The following USP9X variants were observed in gnomAD, a reference collection of about 807,000 sequenced individuals.
The protein encoded by USP9X is ubiquitin carboxyl-terminal hydrolase 9X.
USP9X carries 7 observed loss-of-function variants against 190.3 expected under a neutral mutation model. That is an observed-to-expected ratio of 0.04 (90% CI 0.02 to 0.07). The LOEUF (loss-of-function observed/expected upper bound fraction) is 0.07, where lower values mean the gene tolerates loss of function less well. Ranked by LOEUF, USP9X falls within the 10% of genes least tolerant of loss-of-function variation. The pLI is 1.00. For missense variants in USP9X, 1,010 were observed against 1,916.9 expected (o/e 0.53, Z 8.83); for synonymous variants, 645 against 659.5 (o/e 0.98, Z 0.34).
At chrX:41,167,713 A>G (rs2062690019) in intron 17 of USP9X, 136 bp downstream of exon 17, 1 of 458,336 alleles carries the variant, frequency 2.2e-6, no homozygotes, top group South Asian at 5.3e-5. Context: ...TATTTTTAAT[A>G]TAACTATTTA....
At chrX:41,212,305 C>T (rs1248074009) in intron 33 of USP9X, among the ~76,000 whole-genome samples, 1 of 107,537 alleles carries the variant, frequency 9.3e-6, no homozygotes, top group African/African-American at 3.3e-5. Flanking sequence ...ATCTCAAGTA[C>T]CCAGGGACAC....
chrX:41,135,340 C>T (rs1253611612), intron 5 of USP9X, among the ~76,000 whole-genome samples: 2 of 110,683 alleles, frequency 1.8e-5, no homozygotes, highest in African/African-American at 3.3e-5. Context: ...AAAATCTAAA[C>T]CACAAGCCAG....
intron 33 of USP9X, among the ~76,000 whole-genome samples, chrX:41,211,802 C>G (rs1225576962): frequency 9.4e-6 from 1 of 106,008 alleles, no homozygotes; most frequent in Non-Finnish European, 2.0e-5. Flanking sequence ...TGAGGAGCCC[C>G]TCTGCCCGGA....
At chrX:41,147,431 T>C (rs1211090745) in intron 11 of USP9X, among the ~76,000 whole-genome samples, 4 of 106,009 alleles carry the variant, frequency 3.8e-5, no homozygotes, top group Non-Finnish European at 7.7e-5. Context: ...ACTAATCTTC[T>C]CTCATTAACT....
chrX:41,226,435 T>C (rs73480473), intron 41 of USP9X, among the ~76,000 whole-genome samples: 114 of 112,211 alleles, frequency 1.0e-3, no homozygotes, highest in African/African-American at 3.6e-3. Context: ...TATAATAGTT[T>C]GTTTGGGAAA....
chrX:41,155,452 C>G (rs909953716), intron 14 of USP9X, among the ~76,000 whole-genome samples: 8 of 111,769 alleles, frequency 7.2e-5, no homozygotes, highest in African/African-American at 2.6e-4. Flanking sequence ...TCAATACTTA[C>G]CGAAAGTTTA....
chrX:41,142,290 A>C (rs572971419), intron 9 of USP9X, among the ~76,000 whole-genome samples: 1 of 111,658 alleles, frequency 9.0e-6, no homozygotes, highest in South Asian at 3.8e-4. Flanking sequence ...AGAGAATGGC[A>C]TTAAGTGTTT....
chrX:41,150,320 A>G (rs867114166), intron 12 of USP9X, among the ~76,000 whole-genome samples: 7 of 111,653 alleles, frequency 6.3e-5, no homozygotes, highest in Non-Finnish European at 1.3e-4. Flanking sequence ...AAATACCATA[A>G]TTGAAATAAT....
At chrX:41,212,366 T>G (rs1018166085) in intron 33 of USP9X, among the ~76,000 whole-genome samples, 19 of 105,675 alleles carry the variant, frequency 1.8e-4, no homozygotes, top group Non-Finnish European at 5.9e-5. Context: ...CCAGAGACCT[T>G]TGTTCACTTG....
chrX:41,098,100 C>T (rs1302798519), intron 1 of USP9X, among the ~76,000 whole-genome samples: 1 of 110,292 alleles, frequency 9.1e-6, no homozygotes, highest in Non-Finnish European at 1.9e-5. Context: ...TCCCTTATGC[C>T]TCTACCTCCT....
At chrX:41,101,099 G>A (rs1049622898) in intron 1 of USP9X, among the ~76,000 whole-genome samples, 6 of 111,148 alleles carry the variant, frequency 5.4e-5, no homozygotes, top group Admixed American at 1.9e-4. Flanking sequence ...AAATATTTTC[G>A]TCTTTTATAT....
At chrX:41,117,761 G>A (rs752285834) in intron 1 of USP9X, among the ~76,000 whole-genome samples, 2 of 107,920 alleles carry the variant, frequency 1.9e-5, no homozygotes, top group East Asian at 5.9e-4. Flanking sequence ...GGGTTTCACC[G>A]TGTTAGCCAG....
At chrX:41,131,058 G>A (rs1489285465) in intron 3 of USP9X, among the ~76,000 whole-genome samples, 1 of 110,587 alleles carries the variant, frequency 9.0e-6, no homozygotes, top group Non-Finnish European at 1.9e-5. Flanking sequence ...AAAAAGGGGG[G>A]TGGCGGGGCA....
intron 4 of USP9X, among the ~76,000 whole-genome samples, chrX:41,134,518 C>T (rs1010087808): frequency 8.9e-6 from 1 of 112,357 alleles, no homozygotes; most frequent in East Asian, 2.8e-4. Flanking sequence ...CTGCTGATCA[C>T]CATTTTGTGT....
chrX:41,113,218 T>C (rs1393751783), intron 1 of USP9X, among the ~76,000 whole-genome samples: 1 of 112,264 alleles, frequency 8.9e-6, no homozygotes, highest in East Asian at 2.8e-4. Flanking sequence ...TTGTTTTTAT[T>C]TGAGATGGAG....
At chrX:41,230,443 TTAAAAG>T in intron 43 of USP9X, 52 bp from the exon 44 acceptor site, 1 of 1,088,531 alleles carries the variant, frequency 9.2e-7, no homozygotes. Context: ...ATAGAAAAAG[TTAAAAG>T]TAAACTTGAG....
In USP9X at chrX:41,188,826, T is replaced by G. The variant is rs759250604; in HGVS notation, c.3811-483T>G. 1.2e-3 allele frequency among the ~76,000 whole-genome samples: 132 copies of G among 112,411 alleles called. 1 individual carries two copies. Among genetic ancestry groups the G allele is most frequent in the Non-Finnish European group, 1.9e-3 (99 of 53,250 alleles). ...TGTACTGTAGTTACTACTTTTTGAT[T>G]AATAAAGTCAGATTAGAATTCATTA... is the stretch of plus-strand genomic sequence containing the variant. On this transcript the variant is annotated intron_variant, in intron 25 of 44. Coordinates refer to ENST00000378308, the MANE Select transcript of USP9X (RefSeq NM_001039591.3).
chrX:41,174,282 T>A (rs1055985542), intron 21 of USP9X, among the ~76,000 whole-genome samples: 1 of 111,893 alleles, frequency 8.9e-6, no homozygotes, highest in Non-Finnish European at 1.9e-5. Flanking sequence ...TTCCACATCA[T>A]TTTATATAAG....
In USP9X at chrX:41,197,351, C is replaced by CCCCCCCGGGGGG; in HGVS notation, c.4234-12_4234-11insCCCCCGGGGGGC. ...TTTCTTCCCCCCCCCACCCCACCCC[C>CCCCCCCGGGGGG]CGCCTTTGGCAGGATGATGTTAAAA... On this transcript the variant is annotated splice_polypyrimidine_tract_variant and intron_variant, in intron 28 of 44. Coordinates refer to ENST00000378308, the MANE Select transcript of USP9X (RefSeq NM_001039591.3). 1 of 939,390 alleles carries CCCCCCCGGGGGG rather than the reference C, an allele frequency of 1.1e-6. No homozygotes were observed. Among genetic ancestry groups the CCCCCCCGGGGGG allele is most frequent in the Non-Finnish European group, 1.4e-6 (1 of 728,824 alleles). 77.4% of individuals were successfully genotyped at this position (939,390 alleles called of 1,213,427 possible).
Sources: gnomAD v4.1 joint callset for allele counts (sites outside exome capture counted in the v4.1 genomes callset) on GRCh38, gnomAD v4.1.1 for gene constraint, MANE v1.5 for transcripts, NCBI Gene and HGNC (gene_info 2026-07-23, HGNC 2026-07-21) for gene names.